The following MSI2 variants were observed in gnomAD, a reference collection of about 807,000 sequenced individuals.
MSI2 encodes the protein musashi RNA binding protein 2.
Under a neutral mutation model 45.6 loss-of-function variants are expected in MSI2, and 17 were observed. The ratio of observed to expected loss-of-function variants is 0.37; its 90% confidence interval spans 0.26 to 0.56. The LOEUF (loss-of-function observed/expected upper bound fraction) is 0.56, where lower values mean the gene tolerates loss of function less well. Ranked by LOEUF, MSI2 falls within the 20% of genes least tolerant of loss-of-function variation. The pLI, the probability that MSI2 is intolerant of heterozygous loss-of-function variation, is 0.77. For missense variants in MSI2, 293 were observed against 444.2 expected, an observed-to-expected ratio of 0.66 and a Z score of 3.06; for synonymous variants, 156 against 158.2, an observed-to-expected ratio of 0.99 and a Z score of 0.11.
chr17:57,536,483 C>T (rs1388827532), intron 7 of MSI2, among the ~76,000 whole-genome samples: 3 of 152,352 alleles, frequency 2.0e-5, no homozygotes, highest in Admixed American at 6.5e-5. Context: ...ACGCTGCCCT[C>T]GTTTGGGGTC....
chr17:57,362,613 G>C (rs185413146), intron 5 of MSI2, among the ~76,000 whole-genome samples: 1 of 152,164 alleles, frequency 6.6e-6, no homozygotes, highest in African/African-American at 2.4e-5. Context: ...TTGAACTTAA[G>C]GCTTTGAGTT....
intron 10 of MSI2, among the ~76,000 whole-genome samples, chr17:57,633,724 G>A (rs553312730): frequency 5.3e-5 from 8 of 152,292 alleles, no homozygotes; most frequent in African/African-American, 1.7e-4. Context: ...TCCAAGCCCT[G>A]AAGATGATGA....
At chr17:57,659,576 C>T (rs1337760711) in intron 11 of MSI2, among the ~76,000 whole-genome samples, 1 of 152,148 alleles carries the variant, frequency 6.6e-6, no homozygotes, top group Non-Finnish European at 1.5e-5. Context: ...CACCTGGTTA[C>T]CGGAGAGCAA....
chr17:57,685,294 C>T (rs147433638), downstream of MSI2, among the ~76,000 whole-genome samples: 1 of 152,296 alleles, frequency 6.6e-6, no homozygotes, highest in African/African-American at 2.4e-5. Context: ...AGTCCCAATA[C>T]CTGGTGATGA....
rs2087332535 is a variant in MSI2 at position 57,552,566 on chromosome 17, C to T, written c.454+22842C>T. 6.6e-6 allele frequency among the ~76,000 whole-genome samples: 1 copy of T among 152,120 alleles called. No homozygotes were observed. Among genetic ancestry groups the T allele is most frequent in the South Asian group, 2.1e-4 (1 of 4,830 alleles). On this transcript the variant is annotated intron_variant, in intron 7 of 13. Transcript: ENST00000284073. The surrounding 1 kb of genome is among the most constrained non-coding windows in gnomAD (Gnocchi z 4.3). ...TTGATCTCTGAGTGTCTTTTTTAAT[C>T]CCTATTGCCCAGCAACGGCTTCCTT... is the stretch of plus-strand genomic sequence containing the variant.
chr17:57,538,557 G>GCCCACTC (rs1411148314), intron 7 of MSI2, among the ~76,000 whole-genome samples: 2 of 152,238 alleles, frequency 1.3e-5, no homozygotes, highest in Admixed American at 6.5e-5. Context: ...CTTGCGAGGT[G>GCCCACTC]CCCACTCCCC....
intron 7 of MSI2, among the ~76,000 whole-genome samples, chr17:57,573,283 A>C (rs138483543): frequency 6.6e-6 from 1 of 152,328 alleles, no homozygotes; most frequent in East Asian, 1.9e-4. Flanking sequence ...TAATAGTATT[A>C]ATGACCAGCA....
intron 7 of MSI2, among the ~76,000 whole-genome samples, chr17:57,576,528 G>A (rs932340847): frequency 6.6e-6 from 1 of 152,178 alleles, no homozygotes; most frequent in Non-Finnish European, 1.5e-5. Context: ...GGCCGAGGCA[G>A]GTGGATCACC....
chr17:57,293,275 A>T (rs1189273979), intron 5 of MSI2, among the ~76,000 whole-genome samples: 1 of 151,900 alleles, frequency 6.6e-6, no homozygotes, highest in Non-Finnish European at 1.5e-5. Context: ...CCTTCACATG[A>T]CTTGTCCTGC....
intron 5 of MSI2, among the ~76,000 whole-genome samples, chr17:57,292,904 C>T (rs1381740406): frequency 6.6e-6 from 1 of 152,062 alleles, no homozygotes; most frequent in Non-Finnish European, 1.5e-5. Context: ...TAAGAAAACC[C>T]GCTAGACGAA....
intron 5 of MSI2, among the ~76,000 whole-genome samples, chr17:57,276,823 G>A (rs916482042): frequency 1.6e-4 from 24 of 152,038 alleles, no homozygotes; most frequent in African/African-American, 4.8e-4. Context: ...TAACGGAGGC[G>A]CCTCATTTTT....
intron 5 of MSI2, chr17:57,279,926 C>A (rs142830563): frequency 1.4e-4 from 21 of 151,956 alleles, no homozygotes; most frequent in African/African-American, 4.8e-4. Context: ...GGACTACAGG[C>A]GTGAGCCACA....
At chr17:57,329,325 A>AT (rs36120243) in intron 5 of MSI2, among the ~76,000 whole-genome samples, 39 of 152,342 alleles carry the variant, frequency 2.6e-4, no homozygotes, top group African/African-American at 7.0e-4. Flanking sequence ...CAAGTAAATA[A>AT]TTTTTTTAAA....
intron 5 of MSI2, among the ~76,000 whole-genome samples, chr17:57,366,621 G>A (rs554430385): frequency 1.3e-5 from 2 of 152,340 alleles, no homozygotes; most frequent in Admixed American, 1.3e-4. Context: ...TGCTCCCTAC[G>A]GGTTGTCCTG....
chr17:57,415,496 C>G (rs1448571707), intron 6 of MSI2, among the ~76,000 whole-genome samples: 1 of 152,106 alleles, frequency 6.6e-6, no homozygotes, highest in African/African-American at 2.4e-5. Context: ...GCTATTGATT[C>G]AACTGTCTCC....
intron 10 of MSI2, among the ~76,000 whole-genome samples, chr17:57,643,871 A>T (rs1910438571): frequency 6.6e-6 from 1 of 151,266 alleles, no homozygotes; most frequent in Non-Finnish European, 1.5e-5. Context: ...TGACTGCAGG[A>T]CCTCTCTCCT....
chr17:57,295,097 G>A (rs1293591078), intron 5 of MSI2, among the ~76,000 whole-genome samples: 1 of 152,184 alleles, frequency 6.6e-6, no homozygotes, highest in African/African-American at 2.4e-5. Context: ...GAAAGAATTG[G>A]GATGGGGGGA....
intron 6 of MSI2, among the ~76,000 whole-genome samples, chr17:57,410,979 TTTTA>T (rs759519568): frequency 2.6e-5 from 4 of 152,008 alleles, no homozygotes; most frequent in Non-Finnish European, 5.9e-5. Context: ...AGGGAAACAG[TTTTA>T]TTTATTTGTT....
intron 5 of MSI2, among the ~76,000 whole-genome samples, chr17:57,301,779 G>GT (rs34281730): frequency 0.038 from 5,621 of 148,086 alleles, 321 homozygotes; most frequent in African/African-American, 0.13. Flanking sequence ...AATATTCTTG[G>GT]TTTTTTTTTT....
Sources: gnomAD v4.1 joint callset for allele counts (sites outside exome capture counted in the v4.1 genomes callset) on GRCh38, gnomAD v4.1.1 for gene constraint, Gnocchi (gnomAD v3.1) non-coding constraint, MANE v1.5 for transcripts, NCBI Gene and HGNC (gene_info 2026-07-23, HGNC 2026-07-21) for gene names.